Variants in NKAIN2 observed in about 807,000 individuals in gnomAD.
The protein encoded by NKAIN2 is sodium/potassium transporting ATPase interacting 2.
In NKAIN2, 14 loss-of-function variants were observed where a neutral mutation model predicts 32.6. The ratio of observed to expected loss-of-function variants is 0.43; its 90% CI spans 0.28 to 0.67. The LOEUF (loss-of-function observed/expected upper bound fraction) is 0.67. NKAIN2 is among the 30% of genes least tolerant of loss of function. NKAIN2 has a pLI of 0.17. For synonymous variants in NKAIN2, 80 were observed against 87.2 expected (o/e 0.92, Z 0.46); for missense variants, 198 against 258.3 (o/e 0.77, Z 1.60).
At chr6:124,373,059 C>T (rs758306566) in intron 3 of NKAIN2, among the ~76,000 whole-genome samples, 4 of 152,038 alleles carry the variant, frequency 2.6e-5, no homozygotes, top group Non-Finnish European at 4.4e-5. Context: ...AGAGGAAAAT[C>T]AGTTTGGGTA....
intron 1 of NKAIN2, among the ~76,000 whole-genome samples, chr6:123,854,714 TG>T (rs1775491438): frequency 6.6e-6 from 1 of 152,142 alleles, no homozygotes; most frequent in Non-Finnish European, 1.5e-5. Context: ...TCATCTTAAT[TG>T]AGAAGAGCTC....
At chr6:124,595,883 G>A (rs1417461202) in intron 3 of NKAIN2, among the ~76,000 whole-genome samples, 1 of 152,132 alleles carries the variant, frequency 6.6e-6, no homozygotes, top group African/African-American at 2.4e-5. Context: ...AGTTGCCAGG[G>A]TTTGCAGCAA....
At chr6:123,976,382 T>TTCCC (rs1335929869) in intron 1 of NKAIN2, among the ~76,000 whole-genome samples, 4 of 35,160 alleles carry the variant, frequency 1.1e-4, no homozygotes, top group African/African-American at 5.0e-4. Context: ...CATATATATA[T>TTCCC]ATATATATAT....
intron 1 of NKAIN2, among the ~76,000 whole-genome samples, chr6:124,161,812 C>A (rs181881299): frequency 6.6e-4 from 101 of 151,968 alleles, no homozygotes; most frequent in African/African-American, 2.3e-3. Flanking sequence ...AGGAGGGAGG[C>A]GGAAAGGATT....
chr6:124,238,213 A>G (rs1373373915), intron 1 of NKAIN2, among the ~76,000 whole-genome samples: 5 of 152,188 alleles, frequency 3.3e-5, no homozygotes, highest in Non-Finnish European at 7.4e-5. Flanking sequence ...CGAAAAGGGA[A>G]TCCTGGAAAT....
intron 1 of NKAIN2, among the ~76,000 whole-genome samples, chr6:124,031,375 A>G (rs2114786923): frequency 6.6e-6 from 1 of 152,036 alleles, no homozygotes; most frequent in South Asian, 2.1e-4. Flanking sequence ...GGATTCATTG[A>G]GTTTTTGAAG....
At chr6:124,767,315 TGTTGA>T (rs1394225583) in intron 4 of NKAIN2, among the ~76,000 whole-genome samples, 15 of 152,064 alleles carry the variant, frequency 9.9e-5, no homozygotes, top group African/African-American at 2.2e-4. Context: ...CCCTGAAAGT[TGTTGA>T]GTTATTTTCC....
At chr6:124,320,993 A>C (rs1797160243) in intron 2 of NKAIN2, among the ~76,000 whole-genome samples, 1 of 152,306 alleles carries the variant, frequency 6.6e-6, no homozygotes, top group African/African-American at 2.4e-5. Flanking sequence ...GAGCCACATA[A>C]GAGCAGGCAG....
chr6:124,344,010 A>G (rs1427364826), intron 2 of NKAIN2, among the ~76,000 whole-genome samples: 1 of 152,046 alleles, frequency 6.6e-6, no homozygotes, highest in African/African-American at 2.4e-5. Flanking sequence ...ATTTTTGTAT[A>G]AGGTATAAGG....
At chr6:124,349,886 C>G (rs1798630157) in intron 2 of NKAIN2, among the ~76,000 whole-genome samples, 1 of 152,144 alleles carries the variant, frequency 6.6e-6, no homozygotes, top group Non-Finnish European at 1.5e-5. Context: ...TTAACCATTT[C>G]CCTGGATTCT....
At chr6:124,296,059 G>T (rs2753160) in intron 2 of NKAIN2, among the ~76,000 whole-genome samples, 22,017 of 151,904 alleles carry the variant, frequency 0.14, 4,936 homozygotes, top group African/African-American at 0.48. Context: ...TTAAAAAATT[G>T]TAACTCTTCT....
At chr6:124,069,984 G>A (rs553158153) in intron 1 of NKAIN2, among the ~76,000 whole-genome samples, 10 of 152,258 alleles carry the variant, frequency 6.6e-5, no homozygotes, top group African/African-American at 1.7e-4. Context: ...AATTGTCACC[G>A]AGCTCTGGTT....
At chr6:124,635,278 T>C (rs533807708) in intron 3 of NKAIN2, among the ~76,000 whole-genome samples, 27 of 151,940 alleles carry the variant, frequency 1.8e-4, no homozygotes, top group Admixed American at 5.9e-4. Context: ...TCTATCATTA[T>C]GAAAACATAC....
At chr6:124,067,310 T>G (rs1274786247) in intron 1 of NKAIN2, among the ~76,000 whole-genome samples, 1 of 152,130 alleles carries the variant, frequency 6.6e-6, no homozygotes, top group African/African-American at 2.4e-5. Flanking sequence ...AAGCATGATA[T>G]CTCATCACTT....
chr6:124,619,320 A>G (rs1188081200), intron 3 of NKAIN2, among the ~76,000 whole-genome samples: 2 of 152,174 alleles, frequency 1.3e-5, no homozygotes, highest in Non-Finnish European at 2.9e-5. Context: ...TTGGAGGCCA[A>G]TAGGATTACT....
chr6:124,527,178 G>C (rs1779350296), intron 3 of NKAIN2, among the ~76,000 whole-genome samples: 1 of 152,156 alleles, frequency 6.6e-6, no homozygotes, highest in African/African-American at 2.4e-5. Flanking sequence ...TGGATGCATA[G>C]TCAATATGGT....
At chr6:124,265,210 TGTTA>T (rs1794437830) in intron 1 of NKAIN2, among the ~76,000 whole-genome samples, 1 of 152,180 alleles carries the variant, frequency 6.6e-6, no homozygotes, top group Admixed American at 6.6e-5. Flanking sequence ...GCTTTCTTTA[TGTTA>T]GTTAAACTTT....
intron 1 of NKAIN2, among the ~76,000 whole-genome samples, chr6:124,060,973 T>C (rs1782895856): frequency 6.6e-6 from 1 of 152,158 alleles, no homozygotes; most frequent in Admixed American, 6.5e-5. Context: ...AATGATAATA[T>C]GGCTTTTTAT....
chr6:124,622,393 G>A (rs1783139846), intron 3 of NKAIN2, among the ~76,000 whole-genome samples: 1 of 152,160 alleles, frequency 6.6e-6, no homozygotes, highest in African/African-American at 2.4e-5. Flanking sequence ...CTTGTAGGAG[G>A]TGCAGAGACC....
Sources: allele counts gnomAD v4.1 joint callset (sites outside exome capture counted in the v4.1 genomes callset), GRCh38; gene constraint gnomAD v4.1.1; transcripts MANE v1.5; gene names NCBI Gene and HGNC (gene_info 2026-07-23, HGNC 2026-07-21).